The following CSTF3 variants were observed in gnomAD, a reference collection of about 807,000 sequenced individuals.
CSTF3 encodes cleavage stimulation factor subunit 3.
In CSTF3, 29 loss-of-function variants were observed where a neutral mutation model predicts 105.8. The ratio of observed to expected loss-of-function variants is 0.27; its 90% CI spans 0.20 to 0.37. CSTF3 has a LOEUF of 0.37. Among genes scored for constraint, CSTF3 ranks in the 10% least tolerant of loss-of-function variants. The pLI, the probability that CSTF3 is intolerant of heterozygous loss-of-function variation, is 1.00. For synonymous variants in CSTF3, 252 were observed against 281.9 expected (o/e 0.89, Z 1.06); for missense variants, 357 against 879.3 (o/e 0.41, Z 7.51).
chr11:33,127,855 T>G (rs1855559048), intron 3 of CSTF3, among the ~76,000 whole-genome samples: 1 of 152,196 alleles, frequency 6.6e-6, no homozygotes, highest in Non-Finnish European at 1.5e-5. Flanking sequence ...CTAGAATCAG[T>G]AAAATAAGTA....
chr11:33,128,218 T>TC (rs560689097), intron 3 of CSTF3, among the ~76,000 whole-genome samples: 2 of 152,006 alleles, frequency 1.3e-5, no homozygotes, highest in Non-Finnish European at 2.9e-5. Context: ...GAAATGTTTT[T>TC]CCCCCTCTCA....
In CSTF3 at chr11:33,085,182, G is replaced by A. The variant is rs1161226423; in HGVS notation, c.2059C>T (p.Pro687Ser). 1 of 1,613,968 alleles carries A rather than the reference G, an allele frequency of 6.2e-7. No homozygotes were observed. The highest frequency in any genetic ancestry group is 8.5e-7 in the Non-Finnish European group (1 of 1,180,012). The change falls in exon 21 of 21, where the codon CCC (proline) becomes TCC (serine). Residue 687 changes from proline to serine, a missense_variant. Physicochemically the swap from Pro to Ser is moderately conservative, Grantham distance 74. Around this residue, in one of 4 missense-constraint regions of CSTF3, gnomAD observed 73 missense variants for 105.8 expected, o/e 0.69. Coordinates refer to ENST00000323959, the MANE Select transcript of CSTF3 (RefSeq NM_001326.3). ...NAVLTKAVKR[P>S]NEDSDEDEEK... is the part of the protein sequence containing the mutation. The stretch of plus-strand genomic sequence containing the variant: ...TCATCTTCATCTGAATCCTCGTTGG[G>A]CCTTTTGACGGCCTTGGTGAGTACT...
At chr11:33,148,953 C>G (rs758270869) in intron 1 of CSTF3, among the ~76,000 whole-genome samples, 4 of 150,930 alleles carry the variant, frequency 2.7e-5, no homozygotes, top group Admixed American at 2.6e-4. Flanking sequence ...CAGCCTCCCA[C>G]GTAGCTGGGA....
chr11:33,104,221 C>T (rs1590267115), intron 8 of CSTF3, among the ~76,000 whole-genome samples: 1 of 152,302 alleles, frequency 6.6e-6, no homozygotes, highest in East Asian at 1.9e-4. Context: ...TCAGTGAGTA[C>T]TCCAAGGATT....
chr11:33,130,018 C>CA (rs1855582159), intron 3 of CSTF3, among the ~76,000 whole-genome samples: 1 of 152,144 alleles, frequency 6.6e-6, no homozygotes, highest in South Asian at 2.1e-4. Flanking sequence ...CCACAAATTA[C>CA]AAATAACTGG....
At chr11:33,113,115 G>A (rs948232596) in intron 3 of CSTF3, among the ~76,000 whole-genome samples, 1 of 151,932 alleles carries the variant, frequency 6.6e-6, no homozygotes, top group African/African-American at 2.4e-5. Flanking sequence ...GCTGAGGCAG[G>A]AGAATCATTT....
At chr11:33,119,043 C>T (rs934917800) in intron 3 of CSTF3, among the ~76,000 whole-genome samples, 1 of 148,008 alleles carries the variant, frequency 6.8e-6, no homozygotes, top group Non-Finnish European at 1.5e-5. Context: ...AGTTAATCTT[C>T]CATTAGTCAC....
chr11:33,117,659 C>T (rs1363626093), intron 3 of CSTF3, among the ~76,000 whole-genome samples: 2 of 81,376 alleles, frequency 2.5e-5, no homozygotes, highest in Admixed American at 1.2e-4. Flanking sequence ...CTGCTCTCAG[C>T]ACAATATATA....
chr11:33,121,668 T>G (rs1234989446), intron 3 of CSTF3, among the ~76,000 whole-genome samples: 1 of 152,088 alleles, frequency 6.6e-6, no homozygotes, highest in East Asian at 1.9e-4. Context: ...CAGACCCTTA[T>G]GGTGCTGTCA....
At chr11:33,104,483 A>C (rs1338806288) in intron 8 of CSTF3, among the ~76,000 whole-genome samples, 1 of 152,170 alleles carries the variant, frequency 6.6e-6, no homozygotes, top group Non-Finnish European at 1.5e-5. Flanking sequence ...TGGAAAATAC[A>C]GTTTTTGGCC....
intron 3 of CSTF3, among the ~76,000 whole-genome samples, chr11:33,126,663 ATCT>A (rs997383832): frequency 7.2e-5 from 11 of 152,232 alleles, no homozygotes; most frequent in African/African-American, 2.7e-4. Context: ...ATGAAAATAC[ATCT>A]TGTTATAAAC....
Position 33,105,646 on chromosome 11 carries a change from C to T in CSTF3, c.506G>A (p.Arg169Gln). 1 of 1,613,264 alleles carries T rather than the reference C, an allele frequency of 6.2e-7. No individual in the cohort carries two copies. Among genetic ancestry groups the T allele is most frequent in the African/African-American group, 1.3e-5 (1 of 75,020 alleles). The change falls in exon 8 of 21, where the codon CGA becomes CAA. Residue 169 changes from arginine (R) to glutamine (Q), a missense_variant. Coordinates refer to ENST00000323959, the MANE Select transcript of CSTF3 (RefSeq NM_001326.3). ...YAENQRITAV[R>Q]RVYQRGCVNP... ...AACACAACCTCGTTGATAAACTCTTCGGACAGCTGTTATTCTTTGATTTTC... is the reference window on the plus strand; with the variant it reads ...AACACAACCTCGTTGATAAACTCTTTGGACAGCTGTTATTCTTTGATTTTC...
rs556138524 is a variant in CSTF3 at position 33,103,757 on chromosome 11, G to A, written c.586-573C>T. Among the ~76,000 whole-genome samples the A allele has an allele frequency of 2.1e-4, 32 of 152,184 alleles. No homozygotes were observed. In the East Asian group the frequency reaches 4.5e-3, roughly 21 times the overall value. On this transcript the variant is annotated intron_variant, in intron 8 of 20. Coordinates refer to ENST00000323959, the MANE Select transcript of CSTF3 (RefSeq NM_001326.3). ...TGCACTCCAGCCTGGGCGACAGAGC[G>A]AGACTCTGTCTCAAAGAAAAAAAAA...
At chr11:33,134,676 AC>A (rs58799811) in intron 3 of CSTF3, among the ~76,000 whole-genome samples, 51,223 of 151,934 alleles carry the variant, frequency 0.34, 9,684 homozygotes, top group Middle Eastern at 0.47. Flanking sequence ...CCACTGGTGG[AC>A]TTTTTAGTCA....
chr11:33,144,521 A>G (rs1855754957), intron 1 of CSTF3, among the ~76,000 whole-genome samples: 1 of 152,214 alleles, frequency 6.6e-6, no homozygotes, highest in African/African-American at 2.4e-5. Context: ...GAATTTTTCA[A>G]TAAATGGTTT....
chr11:33,137,766 A>C (rs1855670554), intron 3 of CSTF3, among the ~76,000 whole-genome samples: 1 of 127,252 alleles, frequency 7.9e-6, no homozygotes, highest in Admixed American at 7.9e-5. Flanking sequence ...AAAAGAGTAC[A>C]GATTTTTTTT....
At chr11:33,132,737 A>C (rs1018342609) in intron 3 of CSTF3, among the ~76,000 whole-genome samples, 2 of 152,228 alleles carry the variant, frequency 1.3e-5, no homozygotes, top group Non-Finnish European at 2.9e-5. Flanking sequence ...TGTGTTGCTA[A>C]CAACTGAAAA....
In CSTF3 at chr11:33,090,610, C is replaced by T. The variant is rs146268368; in HGVS notation, c.1563G>A (p.Thr521=). The T allele has an allele frequency of 3.2e-5, 51 of 1,612,170 alleles. No homozygotes were observed. Among genetic ancestry groups the T allele is most frequent in the Middle Eastern group, 1.6e-4 (1 of 6,074 alleles). ...AFKEEYEGKE[T]ALLVDRYKFM... ...ACTTGTATCTATCTACTAGTAAAGCCGTTTCTTTCCCTTCATACTCTTCTT... is the reference window on the plus strand; with the variant it reads ...ACTTGTATCTATCTACTAGTAAAGCTGTTTCTTTCCCTTCATACTCTTCTT... The change falls in exon 17 of 21, where the codon ACG becomes ACA. Residue 521 remains threonine (T), a synonymous_variant. Transcript: ENST00000323959.
chr11:33,147,120 G>A (rs1855793833), intron 1 of CSTF3, among the ~76,000 whole-genome samples: 1 of 151,822 alleles, frequency 6.6e-6, no homozygotes, highest in South Asian at 2.1e-4. Context: ...GTGAGACTCT[G>A]TCTCTACCAA....
Sources: gnomAD v4.1 joint callset for allele counts (sites outside exome capture counted in the v4.1 genomes callset) on GRCh38, gnomAD v4.1.1 for gene constraint, gnomAD v4.1.1 regional missense constraint, MANE v1.5 for transcripts, NCBI Gene and HGNC (gene_info 2026-07-23, HGNC 2026-07-21) for gene names.